Variants in VWCE observed in about 807,000 individuals in gnomAD.
The protein encoded by VWCE is von Willebrand factor C and EGF domains, also known as von Willebrand factor C and EGF domain-containing protein.
A neutral mutation model predicts 102.9 loss-of-function variants in VWCE; 68 were observed. The ratio of observed to expected loss-of-function variants is 0.66; its 90% CI spans 0.54 to 0.81. The LOEUF (loss-of-function observed/expected upper bound fraction) is 0.81. Among genes scored for constraint, VWCE ranks in the 30% least tolerant of loss-of-function variants. The pLI is 0.00. For synonymous variants in VWCE, 497 were observed against 515.4 expected, an observed-to-expected ratio of 0.96 and a Z score of 0.48; for missense variants, 1,137 against 1,263.6, an observed-to-expected ratio of 0.90 and a Z score of 1.52.
chr11:61,288,652 C>T lies in VWCE; in HGVS notation c.424+2147G>A, dbSNP rs923199845. On this transcript the variant is annotated intron_variant, in intron 4 of 19. Coordinates refer to ENST00000335613, the MANE Select transcript of VWCE (RefSeq NM_152718.2). The stretch of plus-strand genomic sequence containing the variant: ...CCGTTTGCCTCTGCAATGAGAAATA[C>T]GTGCAGAAAATGTCCCAAGGTGAAA... 1.5e-4 allele frequency among the ~76,000 whole-genome samples: 23 copies of T among 152,254 alleles called. 2 individuals carry two copies. The highest frequency in any genetic ancestry group is 9.8e-4 in the Admixed American group (15 of 15,282).
Position 61,273,229 on chromosome 11 carries a change from A to C in VWCE, c.1669T>G (p.Phe557Val), listed in dbSNP as rs752514073. 1 of 1,613,662 alleles carries C rather than the reference A, an allele frequency of 6.2e-7. No individual in the cohort carries two copies. Among genetic ancestry groups the C allele is most frequent in the Admixed American group, 1.7e-5 (1 of 59,970 alleles). Residue 557 changes from phenylalanine (F) to valine (V), a missense_variant, in exon 13 of 20, where the codon TTC becomes GTC. Physicochemically the swap from Phe to Val is conservative, Grantham distance 50. Around this residue, in one of 5 missense-constraint regions of VWCE, gnomAD observed 212 missense variants for 235.1 expected, o/e 0.90. Coordinates refer to ENST00000335613, the MANE Select transcript of VWCE (RefSeq NM_152718.2). Reference protein sequence around the residue: ...EWRLGPGQCCFTCQEPTPSTG... With the variant: ...EWRLGPGQCCVTCQEPTPSTG... ...GAGGGTGTGGGCTCCTGGCAGGTGA[A>C]GCAACACTGCCCAGGGCCCAGCCGC...
At chr11:61,264,603 A>G (rs1361532226) in intron 18 of VWCE, 26 bp from the exon 19 acceptor site, 2 of 1,589,154 alleles carry the variant, frequency 1.3e-6, no homozygotes, top group Non-Finnish European at 1.7e-6. Flanking sequence ...GAACCCCATG[A>G]GGAAGCCCAG....
chr11:61,291,315 C>T lies in VWCE; in HGVS notation c.244G>A (p.Ala82Thr), dbSNP rs772038166. The part of the protein sequence containing the change: ...SFGCGSGICI[A>T]PNVCSCQDGE... ...TCCTGGCAGGAGCAGACATTGGGAG[C>T]GATGCAGATGCCACTCCCACAGCCG... The change falls in exon 3 of 20, where the codon GCT becomes ACT. Residue 82 changes from alanine (A) to threonine (T), a missense_variant. Around this residue, in one of 5 missense-constraint regions of VWCE, gnomAD observed 575 missense variants for 625.9 expected, o/e 0.92. Transcript: ENST00000335613. 28 of 1,611,070 alleles carry T rather than the reference C, an allele frequency of 1.7e-5. No individual in the cohort carries two copies. Among genetic ancestry groups the T allele is most frequent in the South Asian group, 3.3e-5 (3 of 90,486 alleles).
chr11:61,285,642 C>G (rs1325182095), intron 5 of VWCE, among the ~76,000 whole-genome samples: 3 of 152,168 alleles, frequency 2.0e-5, no homozygotes, highest in Admixed American at 2.0e-4. Context: ...GAGTCTCTCC[C>G]GGCCCTCCCT....
At chr11:61,271,626 G>C in intron 14 of VWCE, 49 bp downstream of exon 14, 2 of 1,551,726 alleles carry the variant, frequency 1.3e-6, no homozygotes, top group Non-Finnish European at 1.8e-6. Context: ...CTCTGGGTGA[G>C]GCGGGGCAGC....
intron 10 of VWCE, among the ~76,000 whole-genome samples, chr11:61,277,821 G>C (rs1237173948): frequency 6.6e-6 from 1 of 152,136 alleles, no homozygotes; most frequent in Non-Finnish European, 1.5e-5. Context: ...CTGGCACTCA[G>C]TAGATGCTCC....
chr11:61,282,616 C>T (rs1855177887), intron 6 of VWCE, 173 bp downstream of exon 6: 2 of 630,706 alleles, frequency 3.2e-6, no homozygotes, highest in Non-Finnish European at 5.7e-6. Flanking sequence ...GGTCTTCATG[C>T]AGAGCCACAC....
chr11:61,291,656 G>C (rs1855506392), intron 1 of VWCE, 80 bp from the exon 2 acceptor site: 1 of 1,177,006 alleles, frequency 8.5e-7, no homozygotes, highest in Non-Finnish European at 1.1e-6. Flanking sequence ...CAGCCAGTGT[G>C]TAAGTGAATC....
At chr11:61,286,182 C>A in intron 5 of VWCE, 132 bp downstream of exon 5, 1 of 894,188 alleles carries the variant, frequency 1.1e-6, no homozygotes, top group Admixed American at 1.8e-5. Flanking sequence ...TAGCATCTCC[C>A]TCCGAAGCCG....
intron 1 of VWCE, among the ~76,000 whole-genome samples, chr11:61,293,118 G>A (rs1344731619): frequency 2.0e-5 from 3 of 151,924 alleles, no homozygotes; most frequent in East Asian, 3.9e-4. Context: ...GCGCATGCCT[G>A]TAATCCCAGC....
Position 61,279,280 on chromosome 11 carries a change from G to T in VWCE, c.1325-804C>A, listed in dbSNP as rs11827146. Among the ~76,000 whole-genome samples the T allele has an allele frequency of 5.5e-3, 830 of 152,040 alleles. 16 individuals are homozygous for T. Among genetic ancestry groups the T allele is most frequent in the African/African-American group, 0.018 (767 of 41,496 alleles). ...GGACATAGCCCACAACAGTCATTAA[G>T]AAAATCAAGCCAGGCCCAGCGGCTC... On this transcript the variant is annotated intron_variant, in intron 9 of 19. Transcript: ENST00000335613.
intron 1 of VWCE, among the ~76,000 whole-genome samples, chr11:61,293,112 A>G (rs1855562323): frequency 6.6e-6 from 1 of 151,948 alleles, no homozygotes; most frequent in African/African-American, 2.4e-5. Context: ...ATGGTGGCGC[A>G]TGCCTGTAAT....
intron 4 of VWCE, among the ~76,000 whole-genome samples, chr11:61,287,613 G>C (rs1199439558): frequency 6.6e-6 from 1 of 152,228 alleles, no homozygotes; most frequent in Non-Finnish European, 1.5e-5. Flanking sequence ...CACACACCCA[G>C]GGGAGAACAG....
At chr11:61,279,547 G>A (rs1855048498) in intron 9 of VWCE, among the ~76,000 whole-genome samples, 1 of 151,330 alleles carries the variant, frequency 6.6e-6, no homozygotes, top group Non-Finnish European at 1.5e-5. Context: ...GGGTGACAGA[G>A]CAAGACTCCA....
chr11:61,279,590 A>C (rs79626773), intron 9 of VWCE, among the ~76,000 whole-genome samples: 2,716 of 152,158 alleles, frequency 0.018, 86 homozygotes, highest in African/African-American at 0.062. Context: ...AAAAACAAAA[A>C]AAAACCAGTG....
chr11:61,266,866 C>T lies in VWCE; in HGVS notation c.1965+596G>A, dbSNP rs1854529359. Among the ~76,000 whole-genome samples, 3 of 152,218 alleles carry T rather than the reference C, an allele frequency of 2.0e-5. No individual in the cohort carries two copies. The South Asian group carries it at 6.2e-4, about 32-fold the overall frequency. ...ACTGAAAAGGTTCCAGTACTGGATT[C>T]TGGGTTTGTGCGTTTCACCTCCACC... On this transcript the variant is annotated intron_variant, in intron 16 of 19. Coordinates refer to ENST00000335613, the MANE Select transcript of VWCE (RefSeq NM_152718.2).
At chr11:61,290,258 T>C (rs1855457838) in intron 4 of VWCE, among the ~76,000 whole-genome samples, 1 of 152,294 alleles carries the variant, frequency 6.6e-6, no homozygotes, top group Admixed American at 6.5e-5. Flanking sequence ...ACGCCTGTAA[T>C]CCTAACACTT....
In VWCE at chr11:61,286,300, T is replaced by C. The variant is rs969679303; in HGVS notation, c.541+14A>G. On this transcript the variant is annotated intron_variant, in intron 5 of 19. Transcript: ENST00000335613. ...TACCCCTCCCAGAGCAGCCATTCCT[T>C]CTCTGCAGCTCACCTTGGCAGCTGT... The C allele has an allele frequency of 1.2e-6, 2 of 1,603,192 alleles. No individual in the cohort carries two copies. Among genetic ancestry groups the C allele is most frequent in the Non-Finnish European group, 8.5e-7 (1 of 1,178,704 alleles).
chr11:61,274,551 T>C lies in VWCE; in HGVS notation c.1529A>G (p.Asp510Gly). ...ACCACCCCCACTGAACACAGCCCCG[T>C]CTGCGTACCACCGGCCGTGGAAATA... ...RCYFHGRWYA[D>G]GAVFSGGGDE... Residue 510 changes from aspartate to glycine, a missense_variant, in exon 12 of 20, where the codon GAC becomes GGC. Physicochemically the swap from Asp to Gly is moderately conservative, Grantham distance 94 (BLOSUM62 -1). Transcript: ENST00000335613. 6.2e-7 allele frequency: 1 copy of C among 1,613,788 alleles called. No homozygotes were observed. Among genetic ancestry groups the C allele is most frequent in the Middle Eastern group, 1.7e-4 (1 of 6,060 alleles).
Sources: allele counts gnomAD v4.1 joint callset (sites outside exome capture counted in the v4.1 genomes callset), GRCh38; gene constraint gnomAD v4.1.1; regional missense constraint gnomAD v4.1.1; transcripts MANE v1.5; gene names NCBI Gene and HGNC (gene_info 2026-07-23, HGNC 2026-07-21).